The following ZNF133 variants were observed in gnomAD, a reference collection of about 807,000 sequenced individuals.
The protein encoded by ZNF133 is zinc finger protein 133.
In ZNF133, 26 loss-of-function variants were observed where a neutral mutation model predicts 54.9. The observed-to-expected ratio is 0.47, with a 90% CI of 0.35 to 0.66. The LOEUF (loss-of-function observed/expected upper bound fraction) is 0.66, where lower values mean the gene tolerates loss of function less well. Among genes scored for constraint, ZNF133 ranks in the 30% least tolerant of loss-of-function variants. The pLI, the probability that ZNF133 is intolerant of heterozygous loss-of-function variation, is 0.01. For synonymous variants in ZNF133, 298 were observed against 320.3 expected, an observed-to-expected ratio of 0.93 and a Z score of 0.74; for missense variants, 653 against 820.8, an observed-to-expected ratio of 0.80 and a Z score of 2.50.
rs527935560 is a variant in ZNF133 at position 18,298,046 on chromosome 20, G to A, written c.-370G>A. 2.0e-4 allele frequency: 305 copies of A among 1,535,470 alleles called. 1 individual carries two copies. The African/African-American group carries it at 3.3e-3, about 17-fold the overall frequency. On this transcript the variant is annotated 5_prime_UTR_variant, in exon 2 of 7. Transcript: ENST00000425686. ...TAAGGAAAAAAAGCCACAGGGTCCC[G>A]GAGAGCCAGGGGAATGGTGAGTGTT...
intron 6 of ZNF133, among the ~76,000 whole-genome samples, chr20:18,312,335 A>G (rs1355623114): frequency 1.3e-5 from 2 of 152,238 alleles, no homozygotes; most frequent in East Asian, 3.8e-4. Context: ...GGAAGTTTAG[A>G]TTAGTTAAAC....
Position 18,298,458 on chromosome 20 carries a change from A to C in ZNF133, c.-184A>C. 1 of 489,054 alleles carries C rather than the reference A, an allele frequency of 2.0e-6. No homozygotes were observed. Among genetic ancestry groups the C allele is most frequent in the Non-Finnish European group, 2.8e-6 (1 of 359,492 alleles). The allele number at this position is 489,054 out of a possible 1,614,324, so 30.3% of individuals were successfully genotyped here. A position where few individuals can be genotyped will look rare whatever the true frequency, so the allele number is the denominator to read the frequency against. On this transcript the variant is annotated 5_prime_UTR_variant, in exon 3 of 7. It removes an upstream start codon present in the reference 5' UTR. Transcript: ENST00000425686. ...CTCCAGTTCCCAGGGGGAAGGAAGCATGGAGGGTAAGTCACAGCTAATTTT... is the reference window on the plus strand; with the variant it reads ...CTCCAGTTCCCAGGGGGAAGGAAGCCTGGAGGGTAAGTCACAGCTAATTTT...
intron 3 of ZNF133, among the ~76,000 whole-genome samples, chr20:18,301,855 G>C (rs2043415654): frequency 6.6e-6 from 1 of 152,090 alleles, no homozygotes; most frequent in Admixed American, 6.5e-5. Context: ...ACTAACACTA[G>C]TTCTTCTCAA....
intron 6 of ZNF133, chr20:18,310,227 A>G: frequency 4.6e-6 from 7 of 1,515,870 alleles, no homozygotes; most frequent in Non-Finnish European, 6.1e-6. Flanking sequence ...GTACAATCCA[A>G]GGAGCAAGTC....
At chr20:18,298,268 A>C in intron 2 of ZNF133, 21 bp from the exon 3 acceptor site, 1 of 1,386,228 alleles carries the variant, frequency 7.2e-7, no homozygotes, top group Non-Finnish European at 9.3e-7. Context: ...TATGAGATAG[A>C]GTCTGCATTT....
At chr20:18,296,676 C>G (rs73116214) in intron 1 of ZNF133, among the ~76,000 whole-genome samples, 1 of 152,126 alleles carries the variant, frequency 6.6e-6, no homozygotes, top group Non-Finnish European at 1.5e-5. Context: ...TTGTAAGCAA[C>G]GCTTGGGTTG....
rs1051532021 is a variant in ZNF133 at position 18,306,560 on chromosome 20, C to A, written c.217+167C>A. 51 of 850,870 alleles carry A rather than the reference C, an allele frequency of 6.0e-5. 1 individual carries two copies. The South Asian group carries it at 8.9e-4, about 15-fold the overall frequency. 52.7% of individuals were successfully genotyped at this position (850,870 alleles called of 1,614,324 possible). A position where few individuals can be genotyped will look rare whatever the true frequency, so the allele number is the denominator to read the frequency against. On this transcript the variant is annotated intron_variant, in intron 6 of 6. Coordinates refer to ENST00000425686, the MANE Select transcript of ZNF133 (RefSeq NM_001352452.2). Reference sequence around the variant, plus strand: ...TCCCTTCCAGATCTCCATCTTCATTCGAGTATGGACGGGGCTTTCCTGGTG... The same window carrying A: ...TCCCTTCCAGATCTCCATCTTCATTAGAGTATGGACGGGGCTTTCCTGGTG...
intron 1 of ZNF133, among the ~76,000 whole-genome samples, chr20:18,293,006 G>C (rs913960915): frequency 7.9e-5 from 12 of 152,228 alleles, no homozygotes; most frequent in Middle Eastern, 3.2e-3. Flanking sequence ...ATGGAAGGTA[G>C]AGAGAAGTAG....
chr20:18,290,676 A>T (rs911813630), intron 1 of ZNF133, among the ~76,000 whole-genome samples: 1 of 152,140 alleles, frequency 6.6e-6, no homozygotes, highest in Non-Finnish European at 1.5e-5. Flanking sequence ...AGGGAAAAGT[A>T]TCTGGAAACA....
chr20:18,291,660 A>C (rs1312120210), intron 1 of ZNF133, among the ~76,000 whole-genome samples: 1 of 151,284 alleles, frequency 6.6e-6, no homozygotes. Flanking sequence ...CTCTGTGTGC[A>C]ACTCACATCC....
intron 2 of ZNF133, 85 bp downstream of exon 2, chr20:18,298,147 T>G: frequency 3.9e-6 from 6 of 1,529,590 alleles, no homozygotes; most frequent in African/African-American, 1.4e-5. Flanking sequence ...TGGTGCCTAG[T>G]AGAGTTCAGC....
intron 6 of ZNF133, among the ~76,000 whole-genome samples, chr20:18,309,290 G>T (rs2045342776): frequency 6.6e-6 from 1 of 152,174 alleles, no homozygotes; most frequent in Non-Finnish European, 1.5e-5. Flanking sequence ...CCTTGTGAGA[G>T]CACCATAGTG....
intron 6 of ZNF133, chr20:18,306,866 C>T: frequency 7.3e-6 from 6 of 820,056 alleles, no homozygotes; most frequent in Non-Finnish European, 9.4e-6. Context: ...ATATAAATAT[C>T]TATATAATAT....
Position 18,297,985 on chromosome 20 carries a change from A to C in ZNF133, c.-431A>C, listed in dbSNP as rs984471207. 8 of 1,529,272 alleles carry C rather than the reference A, an allele frequency of 5.2e-6. No individual in the cohort carries two copies. Among genetic ancestry groups the C allele is most frequent in the Non-Finnish European group, 7.0e-6 (8 of 1,141,312 alleles). The allele number at this position is 1,529,272 out of a possible 1,614,324, so 94.7% of individuals were successfully genotyped here. A position where few individuals can be genotyped will look rare whatever the true frequency, so the allele number is the denominator to read the frequency against. ...TCCCATTTCTGTTTTCCTTACCCAG[A>C]TCTACCTTCTGAGATATCATCCTTC... On this transcript the variant is annotated splice_region_variant and 5_prime_UTR_variant, in exon 2 of 7. Coordinates refer to ENST00000425686, the MANE Select transcript of ZNF133 (RefSeq NM_001352452.2).
chr20:18,306,350 G>A lies in ZNF133; in HGVS notation c.174G>A (p.Glu58=). Residue 58 remains glutamate, a synonymous_variant, in exon 6 of 7, where the codon GAG becomes GAA. Coordinates refer to ENST00000425686, the MANE Select transcript of ZNF133 (RefSeq NM_001352452.2). ...TCACCCAGCTGGAGCAAGGGAAAGAGACCTGGAGAGAGGAAAAAAAATGTT... is the reference window on the plus strand; with the variant it reads ...TCACCCAGCTGGAGCAAGGGAAAGAAACCTGGAGAGAGGAAAAAAAATGTT... ...ELITQLEQGK[E]TWREEKKCSP... is the part of the protein sequence containing the mutation. 6.2e-7 allele frequency: 1 copy of A among 1,613,924 alleles called. No homozygotes were observed. Among genetic ancestry groups the A allele is most frequent in the Non-Finnish European group, 8.5e-7 (1 of 1,179,938 alleles).
chr20:18,306,140 C>T, intron 5 of ZNF133, 158 bp from the exon 6 acceptor site: 1 of 663,490 alleles, frequency 1.5e-6, no homozygotes, highest in East Asian at 2.7e-5. Flanking sequence ...TCTGAGTTCA[C>T]TGCCCACTCA....
intron 3 of ZNF133, among the ~76,000 whole-genome samples, chr20:18,301,003 G>A (rs902508058): frequency 2.6e-5 from 4 of 152,002 alleles, no homozygotes; most frequent in African/African-American, 7.2e-5. Context: ...TAGAATACAC[G>A]TTCTTCTCAA....
intron 3 of ZNF133, 27 bp downstream of exon 3, chr20:18,298,491 AG>A (rs2147128243): frequency 4.2e-6 from 1 of 238,304 alleles, no homozygotes; most frequent in Non-Finnish European, 7.1e-6. Flanking sequence ...TTTAGCTCTT[AG>A]TATAGTAGCA....
At chr20:18,290,993 G>A (rs1239526906) in intron 1 of ZNF133, among the ~76,000 whole-genome samples, 1 of 152,166 alleles carries the variant, frequency 6.6e-6, no homozygotes, top group East Asian at 1.9e-4. Context: ...CAGGCGTGGT[G>A]GCACACACCA....
Sources: gnomAD v4.1 joint callset for allele counts (sites outside exome capture counted in the v4.1 genomes callset) on GRCh38, gnomAD v4.1.1 for gene constraint, MANE v1.5 for transcripts, NCBI Gene and HGNC (gene_info 2026-07-23, HGNC 2026-07-21) for gene names.